KCNIP1: variants seen among roughly 807,000 people sequenced by gnomAD.
KCNIP1 encodes potassium voltage-gated channel interacting protein 1.
In KCNIP1, 18 loss-of-function variants were observed where a neutral mutation model predicts 33.0. That is an observed-to-expected ratio of 0.55 (90% confidence interval 0.38 to 0.81). The LOEUF (loss-of-function observed/expected upper bound fraction) is 0.81. Ranked by LOEUF, KCNIP1 falls within the 30% of genes least tolerant of loss-of-function variation. The pLI is 0.00. For synonymous variants in KCNIP1, 93 were observed against 98.3 expected (o/e 0.95, Z 0.32); for missense variants, 238 against 271.6 (o/e 0.88, Z 0.87).
chr5:170,504,698 T>G lies in KCNIP1; in HGVS notation c.61+65T>G. ...GGGGGTGCTAGGCGCCGAGGTGGGC[T>G]GTGCCACCTGCCTCCCTTAGTCCGG... On this transcript the variant is annotated intron_variant, in intron 1 of 7. Transcript: ENST00000328939. The surrounding 1 kb of genome is among the most constrained non-coding windows in gnomAD (Gnocchi z 6.0). The G allele has an allele frequency of 7.6e-7, 1 of 1,324,208 alleles. No homozygotes were observed. Among genetic ancestry groups the G allele is most frequent in the Non-Finnish European group, 1.1e-6 (1 of 917,150 alleles). The allele number at this position is 1,324,208 out of a possible 1,614,324, so 82.0% of individuals were successfully genotyped here.
intron 3 of KCNIP1, among the ~76,000 whole-genome samples, chr5:170,721,232 G>C (rs1188912988): frequency 1.3e-5 from 2 of 152,196 alleles, no homozygotes; most frequent in Admixed American, 6.5e-5. Flanking sequence ...CAGATCAGGT[G>C]GGGGAGGCAG....
At chr5:170,697,132 C>T (rs920993818) in intron 1 of KCNIP1, among the ~76,000 whole-genome samples, 3 of 152,046 alleles carry the variant, frequency 2.0e-5, no homozygotes, top group African/African-American at 7.2e-5. Context: ...TAGTCAGATT[C>T]CACTCCTTGG....
At chr5:170,733,001 A>G in intron 6 of KCNIP1, 97 bp downstream of exon 6, 1 of 693,860 alleles carries the variant, frequency 1.4e-6, no homozygotes, top group Non-Finnish European at 2.6e-6. Flanking sequence ...ACCCTGTACT[A>G]AGCATGGTTG....
At chr5:170,596,567 G>A (rs970558203) in intron 1 of KCNIP1, among the ~76,000 whole-genome samples, 2 of 152,366 alleles carry the variant, frequency 1.3e-5, no homozygotes, top group Admixed American at 6.5e-5. Flanking sequence ...ATGGAGCCAT[G>A]GAGAGAGCAT....
At chr5:170,534,367 G>A (rs762135068) in intron 1 of KCNIP1, among the ~76,000 whole-genome samples, 1 of 152,100 alleles carries the variant, frequency 6.6e-6, no homozygotes, top group Admixed American at 6.5e-5. Flanking sequence ...GATCACCTGA[G>A]CAGGGTAGGT....
intron 1 of KCNIP1, among the ~76,000 whole-genome samples, chr5:170,435,168 G>A (rs113819634): frequency 1.1e-3 from 167 of 152,320 alleles, no homozygotes; most frequent in African/African-American, 3.9e-3. Context: ...AGTACCACCT[G>A]GTGCCCAGCA....
intron 1 of KCNIP1, among the ~76,000 whole-genome samples, chr5:170,540,659 C>T (rs28489778): frequency 0.16 from 23,898 of 152,116 alleles, 1,965 homozygotes; most frequent in Middle Eastern, 0.23. Context: ...ATGTCTGAGG[C>T]ATCTGAAATA....
chr5:170,364,581 CCTT>C (rs1763605423), intron 1 of KCNIP1, among the ~76,000 whole-genome samples: 2 of 152,152 alleles, frequency 1.3e-5, no homozygotes. Flanking sequence ...GCATTTCTGT[CCTT>C]CTCCTTGGAC....
rs779562085 is a variant in KCNIP1 at position 170,720,306 on chromosome 5, C to T, written c.187-15C>T. 47 of 1,609,576 alleles carry T rather than the reference C, an allele frequency of 2.9e-5. No individual in the cohort carries two copies. The highest frequency in any genetic ancestry group is 3.8e-5 in the Non-Finnish European group (45 of 1,176,038). On this transcript the variant is annotated splice_polypyrimidine_tract_variant and intron_variant, in intron 2 of 7. Transcript: ENST00000328939. Reference sequence around the variant, plus strand: ...CCCTCAAATGCCTCCCGCTGACTCTCTCCCCTTCCCACAGGAGTGCCCCAG... The same window carrying T: ...CCCTCAAATGCCTCCCGCTGACTCTTTCCCCTTCCCACAGGAGTGCCCCAG...
chr5:170,618,483 GA>G (rs1759473779), intron 1 of KCNIP1, among the ~76,000 whole-genome samples: 1 of 127,142 alleles, frequency 7.9e-6, no homozygotes, highest in Non-Finnish European at 1.6e-5. Flanking sequence ...AAGAAGGAAG[GA>G]AGGAAGGGAG....
At chr5:170,695,764 T>C (rs925980570) in intron 1 of KCNIP1, among the ~76,000 whole-genome samples, 3 of 152,210 alleles carry the variant, frequency 2.0e-5, no homozygotes, top group Non-Finnish European at 4.4e-5. Context: ...CTCACGCCTG[T>C]AATCCCAGCA....
At chr5:170,668,111 A>C (rs1390080332) in intron 1 of KCNIP1, among the ~76,000 whole-genome samples, 3 of 152,228 alleles carry the variant, frequency 2.0e-5, no homozygotes, top group Non-Finnish European at 4.4e-5. Flanking sequence ...TGCAACATGC[A>C]CTTTTCCTTG....
At chr5:170,677,618 G>A (rs1409457449) in intron 1 of KCNIP1, among the ~76,000 whole-genome samples, 2 of 152,040 alleles carry the variant, frequency 1.3e-5, no homozygotes, top group Admixed American at 6.6e-5. Context: ...GCAGACCATG[G>A]CCAGTATTCA....
intron 1 of KCNIP1, among the ~76,000 whole-genome samples, chr5:170,553,872 G>A (rs1027073715): frequency 2.0e-5 from 3 of 152,176 alleles, no homozygotes; most frequent in East Asian, 3.9e-4. Flanking sequence ...GTGTGGACCC[G>A]GGTTCATCCT....
intron 1 of KCNIP1, among the ~76,000 whole-genome samples, chr5:170,618,087 CA>C: frequency 6.6e-6 from 1 of 152,180 alleles, no homozygotes; most frequent in Non-Finnish European, 1.5e-5. Flanking sequence ...GAGATGGGAG[CA>C]TTTCTGCTGG....
At chr5:170,615,943 C>G (rs551627761) in intron 1 of KCNIP1, among the ~76,000 whole-genome samples, 26 of 152,240 alleles carry the variant, frequency 1.7e-4, no homozygotes, top group Non-Finnish European at 3.4e-4. Context: ...TATTTTTCCT[C>G]CAGAAAGGCG....
At chr5:170,484,724 A>C (rs1381440296) in intron 1 of KCNIP1, among the ~76,000 whole-genome samples, 1 of 143,818 alleles carries the variant, frequency 7.0e-6, no homozygotes, top group African/African-American at 2.6e-5. Flanking sequence ...TCCTTTCCCA[A>C]ATCTCTCTTA....
chr5:170,555,596 G>A lies in KCNIP1; in HGVS notation c.61+50963G>A, dbSNP rs769042195. Among the ~76,000 whole-genome samples, 251 of 152,252 alleles carry A rather than the reference G, an allele frequency of 1.6e-3. 2 individuals carry two copies. Among genetic ancestry groups the A allele is most frequent in the Non-Finnish European group, 2.5e-3 (172 of 68,008 alleles). The stretch of plus-strand genomic sequence containing the variant: ...ATTGTGGCTCAGGGAGAGCACACAT[G>A]CCCTCATGCTCTGCCCCAAACAATT... On this transcript the variant is annotated intron_variant, in intron 1 of 7. Coordinates refer to ENST00000328939, the MANE Select transcript of KCNIP1 (RefSeq NM_014592.4).
chr5:170,608,191 C>T (rs1759007056), intron 1 of KCNIP1, among the ~76,000 whole-genome samples: 1 of 152,164 alleles, frequency 6.6e-6, no homozygotes, highest in African/African-American at 2.4e-5. Context: ...CCAGAAAAGA[C>T]CCCTTTTGTC....
Sources: allele counts gnomAD v4.1 joint callset (sites outside exome capture counted in the v4.1 genomes callset), GRCh38; gene constraint gnomAD v4.1.1; non-coding constraint Gnocchi (gnomAD v3.1); transcripts MANE v1.5; gene names NCBI Gene and HGNC (gene_info 2026-07-23, HGNC 2026-07-21).